The following MAPK4 variants were observed in gnomAD, a reference collection of about 807,000 sequenced individuals.
The protein encoded by MAPK4 is mitogen-activated protein kinase 4, also known as Erk3-related.
Under a neutral mutation model 47.7 loss-of-function variants are expected in MAPK4, and 22 were observed. That is an observed-to-expected ratio of 0.46 (90% CI 0.33 to 0.66). The LOEUF is 0.66. MAPK4 is among the 30% of genes least tolerant of loss of function. The pLI is 0.02. For missense variants in MAPK4, 736 were observed against 831.7 expected (o/e 0.88, Z 1.42); for synonymous variants, 390 against 365.7 (o/e 1.07, Z -0.76).
intron 2 of MAPK4, among the ~76,000 whole-genome samples, chr18:50,692,186 T>C (rs1471738276): frequency 6.6e-6 from 1 of 152,244 alleles, no homozygotes; most frequent in Non-Finnish European, 1.5e-5. Flanking sequence ...ACAACCCTTC[T>C]GCTGTTGCTC....
chr18:50,598,969 T>C (rs555493065), intron 1 of MAPK4, among the ~76,000 whole-genome samples: 1 of 152,320 alleles, frequency 6.6e-6, no homozygotes, highest in Admixed American at 6.5e-5. Flanking sequence ...ATGTTAACCT[T>C]GATCACTTGG....
intron 1 of MAPK4, among the ~76,000 whole-genome samples, chr18:50,592,950 A>G (rs1295880871): frequency 2.0e-5 from 3 of 152,194 alleles, no homozygotes; most frequent in South Asian, 2.1e-4. Flanking sequence ...TATAGCACCT[A>G]TTGTGTAGTG....
rs547921169 is a variant in MAPK4 at position 50,627,904 on chromosome 18, A to T, written c.-870-35185A>T. 9.8e-5 allele frequency among the ~76,000 whole-genome samples: 15 copies of T among 152,290 alleles called. No individual in the cohort carries two copies. In the South Asian group the frequency reaches 2.1e-3, roughly 21 times the overall value. On this transcript the variant is annotated intron_variant, in intron 1 of 5. Coordinates refer to ENST00000400384, the MANE Select transcript of MAPK4 (RefSeq NM_002747.4). ...ATTCTCCCTGATGTCTTAGATTCTC[A>T]TGTGAGTCCACAGGGCTCAGGCAAG...
intron 1 of MAPK4, among the ~76,000 whole-genome samples, chr18:50,637,928 C>G (rs938173100): frequency 1.3e-5 from 2 of 152,182 alleles, no homozygotes; most frequent in African/African-American, 4.8e-5. Flanking sequence ...CTTTAAAGAC[C>G]CTGTCTCCAA....
Position 50,586,977 on chromosome 18 carries a change from G to A in MAPK4, c.-871+26734G>A, listed in dbSNP as rs917225449. Among the ~76,000 whole-genome samples, 6 of 152,202 alleles carry A rather than the reference G, an allele frequency of 3.9e-5. No individual in the cohort carries two copies. In the South Asian group the frequency reaches 1.2e-3, roughly 32 times the overall value. On this transcript the variant is annotated intron_variant, in intron 1 of 5. Transcript: ENST00000400384. ...GAATTTTTTTAAGGTTTCAATCTGA[G>A]AAAATAAAATTATGAAATGACAGCT...
In MAPK4 at chr18:50,715,152, C is replaced by T. The variant is rs1910572924; in HGVS notation, c.620C>T (p.Thr207Ile). Reference sequence around the variant, plus strand: ...CTGCTCCTTTCCCCCAATAACTACACCAAAGCCATCGACATGTGGGCCGCC... The same window carrying T: ...CTGCTCCTTTCCCCCAATAACTACATCAAAGCCATCGACATGTGGGCCGCC... ...PRLLLSPNNY[T>I]KAIDMWAAGC... Residue 207 changes from threonine to isoleucine, a missense_variant, in exon 3 of 6, where the codon ACC (threonine) becomes ATC (isoleucine). Thr to Ile is a moderately conservative substitution (Grantham distance 89). Around this residue, in one of 3 missense-constraint regions of MAPK4, gnomAD observed 327 missense variants for 395.4 expected, o/e 0.83. Transcript: ENST00000400384. 3 of 1,614,068 alleles carry T rather than the reference C, an allele frequency of 1.9e-6. No homozygotes were observed. Among genetic ancestry groups the T allele is most frequent in the Non-Finnish European group, 2.5e-6 (3 of 1,180,030 alleles).
At chr18:50,597,844 C>A (rs1422270642) in intron 1 of MAPK4, among the ~76,000 whole-genome samples, 6 of 152,266 alleles carry the variant, frequency 3.9e-5, no homozygotes, top group African/African-American at 1.4e-4. Context: ...CTCTCTATTG[C>A]AAGATGATGG....
chr18:50,656,151 T>C (rs1207616813), intron 1 of MAPK4, among the ~76,000 whole-genome samples: 2 of 152,206 alleles, frequency 1.3e-5, no homozygotes, highest in Non-Finnish European at 2.9e-5. Context: ...TCCAAGTCCT[T>C]CCTCTCCATT....
intron 1 of MAPK4, among the ~76,000 whole-genome samples, chr18:50,610,653 A>G (rs1211443896): frequency 1.3e-5 from 2 of 152,238 alleles, no homozygotes; most frequent in Non-Finnish European, 2.9e-5. Context: ...GGGATCGTTC[A>G]GGGCTGAGAG....
chr18:50,585,307 T>C (rs1476499666), intron 1 of MAPK4, among the ~76,000 whole-genome samples: 2 of 152,178 alleles, frequency 1.3e-5, no homozygotes, highest in African/African-American at 4.8e-5. Flanking sequence ...TCTATGATCT[T>C]TGATATGAAT....
At chr18:50,717,305 C>T (rs191787558) in intron 3 of MAPK4, among the ~76,000 whole-genome samples, 56 of 152,258 alleles carry the variant, frequency 3.7e-4, no homozygotes, top group African/African-American at 1.3e-3. Flanking sequence ...GAAAAGGGCA[C>T]GAAAGCTGGA....
At position 50,663,966 on chromosome 18, in the gene MAPK4, A is replaced by G. The variant is rs749775353; in HGVS notation, c.8A>G (p.Glu3Gly). ...CAGATCACTGAGCCCACAATGGCTG[A>G]GAAGGGTGACTGCATCGCCAGTGTC... MA[E>G]KGDCIASVYG... The change falls in exon 2 of 6, where the codon GAG becomes GGG. Residue 3 changes from glutamate to glycine, a missense_variant. Around this residue, in one of 3 missense-constraint regions of MAPK4, gnomAD observed 327 missense variants for 395.4 expected, o/e 0.83. Transcript: ENST00000400384. 3.7e-6 allele frequency: 6 copies of G among 1,610,266 alleles called. No homozygotes were observed. The highest frequency in any genetic ancestry group is 5.1e-6 in the Non-Finnish European group (6 of 1,177,514).
intron 2 of MAPK4, among the ~76,000 whole-genome samples, chr18:50,710,790 A>G (rs200805371): frequency 1.3e-5 from 1 of 78,906 alleles, no homozygotes; most frequent in Non-Finnish European, 3.5e-5. Flanking sequence ...TAAATAAATA[A>G]ATAAATAAAT....
intron 1 of MAPK4, among the ~76,000 whole-genome samples, chr18:50,574,987 G>T (rs1158573837): frequency 6.6e-6 from 1 of 152,178 alleles, no homozygotes; most frequent in East Asian, 1.9e-4. Context: ...TCCTCCTTCA[G>T]CAAGGAGCAG....
intron 1 of MAPK4, among the ~76,000 whole-genome samples, chr18:50,625,422 G>C (rs2042768377): frequency 6.6e-6 from 1 of 152,056 alleles, no homozygotes; most frequent in East Asian, 1.9e-4. Flanking sequence ...ATCATTCTTT[G>C]AGAGCCTTTT....
At chr18:50,638,261 T>C (rs781203482) in intron 1 of MAPK4, among the ~76,000 whole-genome samples, 1 of 152,240 alleles carries the variant, frequency 6.6e-6, no homozygotes, top group South Asian at 2.1e-4. Flanking sequence ...TGGTTTACAG[T>C]CCTAGATTTA....
chr18:50,584,117 T>C (rs1405534331), intron 1 of MAPK4, among the ~76,000 whole-genome samples: 1 of 152,190 alleles, frequency 6.6e-6, no homozygotes, highest in Non-Finnish European at 1.5e-5. Flanking sequence ...GGAGTTCAAC[T>C]GGGAGAGATT....
intron 1 of MAPK4, among the ~76,000 whole-genome samples, chr18:50,649,183 C>A (rs1310819687): frequency 6.6e-6 from 1 of 152,148 alleles, no homozygotes; most frequent in African/African-American, 2.4e-5. Flanking sequence ...CCGTGTGAGA[C>A]CCACTTGAGT....
intron 1 of MAPK4, among the ~76,000 whole-genome samples, chr18:50,658,448 C>G (rs2144232759): frequency 6.6e-6 from 1 of 152,332 alleles, no homozygotes; most frequent in Middle Eastern, 3.4e-3. Flanking sequence ...GGGAAAATCA[C>G]TTCCCTCTTG....
Sources: gnomAD v4.1 joint callset for allele counts (sites outside exome capture counted in the v4.1 genomes callset) on GRCh38, gnomAD v4.1.1 for gene constraint, gnomAD v4.1.1 regional missense constraint, MANE v1.5 for transcripts, NCBI Gene and HGNC (gene_info 2026-07-23, HGNC 2026-07-21) for gene names.